The following KALRN variants were observed in gnomAD, a reference collection of about 807,000 sequenced individuals.
The protein encoded by KALRN is kalirin.
Under a neutral mutation model 353.7 loss-of-function variants are expected in KALRN, and 70 were observed. That is an observed-to-expected ratio of 0.20 (90% confidence interval 0.16 to 0.24). The LOEUF is 0.24. KALRN is among the 10% of genes least tolerant of loss of function. The pLI is 1.00. For missense variants in KALRN, 2,791 were observed against 3,756.7 expected (o/e 0.74, Z 6.72); for synonymous variants, 1,391 against 1,434.8 (o/e 0.97, Z 0.69).
intron 1 of KALRN, among the ~76,000 whole-genome samples, chr3:124,116,734 A>T (rs1285632122): frequency 6.6e-6 from 1 of 152,242 alleles, no homozygotes; most frequent in Non-Finnish European, 1.5e-5. Flanking sequence ...TAGGAACAGT[A>T]AGAGATTAAC....
intron 6 of KALRN, among the ~76,000 whole-genome samples, chr3:124,322,166 G>A (rs2079402325): frequency 6.6e-6 from 1 of 152,162 alleles, no homozygotes; most frequent in Non-Finnish European, 1.5e-5. Context: ...CACACTACTG[G>A]GCAGTGAGCA....
intron 10 of KALRN, among the ~76,000 whole-genome samples, chr3:124,348,624 A>G (rs2082517024): frequency 6.6e-6 from 1 of 152,296 alleles, no homozygotes; most frequent in Non-Finnish European, 1.5e-5. Flanking sequence ...ACTGTGGAAA[A>G]CAATGTGGAG....
At chr3:124,170,987 G>A (rs1270739693) in intron 1 of KALRN, among the ~76,000 whole-genome samples, 1 of 151,016 alleles carries the variant, frequency 6.6e-6, no homozygotes, top group African/African-American at 2.4e-5. Context: ...CTAATTTCTT[G>A]TATTTTTTTA....
chr3:124,713,702 C>G (rs866568770), intron 58 of KALRN, among the ~76,000 whole-genome samples: 4 of 152,260 alleles, frequency 2.6e-5, no homozygotes, highest in African/African-American at 9.6e-5. Flanking sequence ...CTACCCCAGG[C>G]TAAGAAGAGA....
In KALRN at chr3:124,485,988, A is replaced by G. The variant is rs369875442; in HGVS notation, c.4285-2216A>G. ...GAGCTTTTACTATAAATAATATGGG[A>G]TTTATTTTCATAAAGTCAGTTTTAT... On this transcript the variant is annotated intron_variant, in intron 28 of 59. Transcript: ENST00000682506. Among the ~76,000 whole-genome samples, 84 of 152,324 alleles carry G rather than the reference A, an allele frequency of 5.5e-4. 2 individuals carry two copies. The East Asian group carries it at 7.5e-3, about 14-fold the overall frequency.
At chr3:124,668,678 A>G (rs2085985817) in intron 47 of KALRN, among the ~76,000 whole-genome samples, 1 of 152,244 alleles carries the variant, frequency 6.6e-6, no homozygotes. Context: ...GTGAAAAACA[A>G]CTAGACTAAG....
chr3:124,098,504 T>A (rs1252054243), intron 1 of KALRN, among the ~76,000 whole-genome samples: 2 of 152,226 alleles, frequency 1.3e-5, no homozygotes, highest in Non-Finnish European at 2.9e-5. Context: ...TCATGCCTAT[T>A]GTCTGTCCCT....
At chr3:124,235,008 A>T in intron 3 of KALRN, 65 bp downstream of exon 3, 2 of 1,152,786 alleles carry the variant, frequency 1.7e-6, no homozygotes, top group Non-Finnish European at 2.6e-6. Context: ...CAGTTTTGGA[A>T]GGAGCCTCCA....
In KALRN at chr3:124,720,211, T is replaced by C. The variant is rs1173243191; in HGVS notation, c.*741T>C. Reference sequence around the variant, plus strand: ...AAAATTTTTTCTGTCAATCGCAGGTTATTTGATTAAGATAGGTTCTTTCTG... The same window carrying C: ...AAAATTTTTTCTGTCAATCGCAGGTCATTTGATTAAGATAGGTTCTTTCTG... On this transcript the variant is annotated 3_prime_UTR_variant, in exon 60 of 60. Transcript: ENST00000682506. The C allele has an allele frequency of 6.6e-6, 1 of 152,648 alleles. No homozygotes were observed. Among genetic ancestry groups the C allele is most frequent in the Non-Finnish European group, 1.5e-5 (1 of 68,036 alleles). The allele number at this position is 152,648 out of a possible 1,614,324, so 9.5% of individuals were successfully genotyped here. A position where few individuals can be genotyped will look rare whatever the true frequency, so the allele number is the denominator to read the frequency against.
At chr3:124,433,653 C>T (rs560061387) in intron 16 of KALRN, among the ~76,000 whole-genome samples, 1 of 151,054 alleles carries the variant, frequency 6.6e-6, no homozygotes, top group African/African-American at 2.4e-5. Flanking sequence ...ATATGTATCT[C>T]CTCAAGGGAT....
chr3:124,517,072 TC>T (rs1216164692), intron 33 of KALRN, among the ~76,000 whole-genome samples: 3 of 152,150 alleles, frequency 2.0e-5, no homozygotes, highest in Non-Finnish European at 4.4e-5. Flanking sequence ...CTCCTCAGCC[TC>T]CCAAAGTTCT....
At chr3:124,477,907 C>T (rs1381697212) in intron 27 of KALRN, among the ~76,000 whole-genome samples, 2 of 152,156 alleles carry the variant, frequency 1.3e-5, no homozygotes. Flanking sequence ...GTGGCCTGAG[C>T]ATTGGGATAT....
At chr3:124,199,083 T>G (rs574448265) in intron 1 of KALRN, among the ~76,000 whole-genome samples, 1 of 152,240 alleles carries the variant, frequency 6.6e-6, no homozygotes, top group Non-Finnish European at 1.5e-5. Flanking sequence ...TAGGGAGACT[T>G]TGAAGCCGAG....
intron 33 of KALRN, among the ~76,000 whole-genome samples, chr3:124,542,399 T>C (rs2069131883): frequency 6.6e-6 from 1 of 152,192 alleles, no homozygotes; most frequent in African/African-American, 2.4e-5. Context: ...CTTTGTCAAC[T>C]ATGAAGCACC....
At chr3:124,182,497 A>G (rs1160833412) in intron 1 of KALRN, among the ~76,000 whole-genome samples, 1 of 152,222 alleles carries the variant, frequency 6.6e-6, no homozygotes, top group Non-Finnish European at 1.5e-5. Flanking sequence ...AGCTTGTTTC[A>G]TCAAAGCCAG....
At chr3:124,468,045 G>C (rs2060514314) in intron 25 of KALRN, among the ~76,000 whole-genome samples, 1 of 151,866 alleles carries the variant, frequency 6.6e-6, no homozygotes, top group African/African-American at 2.4e-5. Context: ...GGAGATCGAG[G>C]GAAAGAGATG....
At chr3:124,231,862 T>G (rs1462415853) in intron 2 of KALRN, among the ~76,000 whole-genome samples, 2 of 152,238 alleles carry the variant, frequency 1.3e-5, no homozygotes, top group Non-Finnish European at 2.9e-5. Context: ...CTCTGCTTAT[T>G]GTCCTCTGTA....
intron 25 of KALRN, among the ~76,000 whole-genome samples, chr3:124,472,094 A>C (rs374043926): frequency 6.6e-6 from 1 of 152,044 alleles, no homozygotes; most frequent in East Asian, 1.9e-4. Context: ...GCATCTTCCC[A>C]TAGGTTTTTG....
chr3:124,463,711 G>A (rs1177033495), intron 25 of KALRN, among the ~76,000 whole-genome samples: 2 of 152,196 alleles, frequency 1.3e-5, no homozygotes. Flanking sequence ...ATGACCAAGA[G>A]GCAAGCAAGA....
Sources: allele counts gnomAD v4.1 joint callset (sites outside exome capture counted in the v4.1 genomes callset), GRCh38; gene constraint gnomAD v4.1.1; transcripts MANE v1.5; gene names NCBI Gene and HGNC (gene_info 2026-07-23, HGNC 2026-07-21).